The following ADAMTS9 variants were observed in gnomAD, a reference collection of about 807,000 sequenced individuals.
ADAMTS9 encodes the protein ADAM metallopeptidase with thrombospondin type 1 motif 9, also known as A disintegrin and metalloproteinase with thrombospondin motifs 9.
A neutral mutation model predicts 257.1 loss-of-function variants in ADAMTS9; 107 were observed. The ratio of observed to expected loss-of-function variants is 0.42; its 90% CI spans 0.36 to 0.49. ADAMTS9 has a LOEUF of 0.49. Ranked by LOEUF, ADAMTS9 falls within the 20% of genes least tolerant of loss-of-function variation. ADAMTS9 has a pLI of 0.03. For missense variants in ADAMTS9, 2,353 were observed against 2,469.1 expected (o/e 0.95, Z 1.00); for synonymous variants, 982 against 880.9 (o/e 1.11, Z -2.03).
chr3:64,538,728 T>G (rs1303866268), intron 37 of ADAMTS9, among the ~76,000 whole-genome samples: 1 of 152,216 alleles, frequency 6.6e-6, no homozygotes, highest in South Asian at 2.1e-4. Flanking sequence ...GTCTGCCTTC[T>G]TCCTAGCCCT....
chr3:64,604,335 G>T lies in ADAMTS9; in HGVS notation c.3475-4C>A. The T allele has an allele frequency of 6.4e-7, 1 of 1,574,054 alleles. No homozygotes were observed. The highest frequency in any genetic ancestry group is 1.2e-5 in the South Asian group (1 of 84,558). On this transcript the variant is annotated splice_polypyrimidine_tract_variant and splice_region_variant and intron_variant, in intron 23 of 39. Transcript: ENST00000498707. ...GACATGATGGTAATTCACAGTCCTA[G>T]ACGTGATGGGGGAAAAAAAAACAAA...
At chr3:64,536,884 TA>T (rs1402347360) in intron 37 of ADAMTS9, among the ~76,000 whole-genome samples, 1 of 152,210 alleles carries the variant, frequency 6.6e-6, no homozygotes, top group East Asian at 1.9e-4. Context: ...CTCTTATTAA[TA>T]AATACATCCA....
chr3:64,541,811 A>T, intron 33 of ADAMTS9, 27 bp downstream of exon 33: 1 of 1,613,508 alleles, frequency 6.2e-7, no homozygotes, highest in Non-Finnish European at 8.5e-7. Context: ...CATGCTAAAG[A>T]AAGATAACTT....
chr3:64,596,532 T>G (rs2084367449), intron 27 of ADAMTS9, among the ~76,000 whole-genome samples: 1 of 152,164 alleles, frequency 6.6e-6, no homozygotes, highest in Admixed American at 6.5e-5. Context: ...TAACACATAT[T>G]TTCAATCACT....
chr3:64,588,540 A>G (rs1369278252), intron 28 of ADAMTS9: 3 of 151,936 alleles, frequency 2.0e-5, no homozygotes, highest in African/African-American at 7.3e-5. Flanking sequence ...CTCCTAGCCA[A>G]TTATGCTTGG....
chr3:64,561,612 G>C lies in ADAMTS9; in HGVS notation c.4664C>G (p.Pro1555Arg), dbSNP rs780324244. The C allele has an allele frequency of 6.2e-7, 1 of 1,613,828 alleles. No homozygotes were observed. Among genetic ancestry groups the C allele is most frequent in the Non-Finnish European group, 8.5e-7 (1 of 1,179,956 alleles). ...SERDCQGPRCPLYTWRAEEWQ... is the reference protein window; with the variant it reads ...SERDCQGPRCRLYTWRAEEWQ... Reference sequence around the variant, plus strand: ...TTCCTCTGCCCTCCAAGTGTAGAGGGGACACCGTGGGCCTTGGCAGTCGCG... The same window carrying C: ...TTCCTCTGCCCTCCAAGTGTAGAGGCGACACCGTGGGCCTTGGCAGTCGCG... The change falls in exon 30 of 40, where the codon CCC becomes CGC. Residue 1555 changes from proline (P) to arginine (R), a missense_variant. Pro to Arg is a moderately radical substitution (Grantham distance 103). Transcript: ENST00000498707.
intron 24 of ADAMTS9, 45 bp downstream of exon 24, chr3:64,604,182 T>G (rs766048198): frequency 1.2e-5 from 19 of 1,600,446 alleles, no homozygotes; most frequent in Non-Finnish European, 1.5e-5. Context: ...CTGAGAATGT[T>G]AGCCCCCATC....
At chr3:64,629,219 G>A (rs545840740) in intron 16 of ADAMTS9, among the ~76,000 whole-genome samples, 4 of 152,228 alleles carry the variant, frequency 2.6e-5, no homozygotes, top group South Asian at 4.2e-4. Context: ...CAATGGCACC[G>A]CTTCTGTCCT....
At chr3:64,609,067 C>G (rs1026946678) in intron 22 of ADAMTS9, among the ~76,000 whole-genome samples, 3 of 151,874 alleles carry the variant, frequency 2.0e-5, no homozygotes, top group African/African-American at 7.3e-5. Context: ...CAAAATTCAA[C>G]ATCTTTTCAT....
At chr3:64,649,477 G>C (rs1700877636) in intron 10 of ADAMTS9, among the ~76,000 whole-genome samples, 160 bp downstream of exon 10, 1 of 152,154 alleles carries the variant, frequency 6.6e-6, no homozygotes, top group South Asian at 2.1e-4. Flanking sequence ...CAGCAGTACT[G>C]TTGTGTCATC....
At chr3:64,567,774 C>A (rs1223272229) in intron 29 of ADAMTS9, among the ~76,000 whole-genome samples, 1 of 151,694 alleles carries the variant, frequency 6.6e-6, no homozygotes. Context: ...AGATTGAAGA[C>A]CCCTGCAAAG....
rs541762912 is a variant in ADAMTS9, at chr3:64,528,830, A to G, written c.5718+4336T>C. On this transcript the variant is annotated intron_variant, in intron 38 of 39. Coordinates refer to ENST00000498707, the MANE Select transcript of ADAMTS9 (RefSeq NM_182920.2). Reference sequence around the variant, plus strand: ...AAGTCAATGAGAAAGGGGCCACTACAGTCCCCATTTTATAGATGAACAAAC... The same window carrying G: ...AAGTCAATGAGAAAGGGGCCACTACGGTCCCCATTTTATAGATGAACAAAC... 2.2e-4 allele frequency among the ~76,000 whole-genome samples: 33 copies of G among 152,346 alleles called. No homozygotes were observed. The South Asian group carries it at 6.8e-3, about 32-fold the overall frequency.
At chr3:64,530,569 T>A (rs1259097928) in intron 38 of ADAMTS9, among the ~76,000 whole-genome samples, 1 of 148,662 alleles carries the variant, frequency 6.7e-6, no homozygotes, top group African/African-American at 2.5e-5. Context: ...GCAATTGTCA[T>A]ACCCAGCTCC....
intron 36 of ADAMTS9, among the ~76,000 whole-genome samples, chr3:64,539,941 G>A (rs1446452470): frequency 6.6e-6 from 1 of 152,230 alleles, no homozygotes; most frequent in Non-Finnish European, 1.5e-5. Context: ...GATGAGCTCT[G>A]CACATGCAAA....
chr3:64,616,165 T>G lies in ADAMTS9; in HGVS notation c.2819A>C (p.His940Pro). ...ACTACATTCACTCCTGCTGGCAACATGCCACCTATGCAAAAATAATGGGGC... is the reference window on the plus strand; with the variant it reads ...ACTACATTCACTCCTGCTGGCAACAGGCCACCTATGCAAAAATAATGGGGC... ...PCGTDCDLRW[H>P]VASRSECSAQ... The change falls in exon 20 of 40, where the codon CAT becomes CCT. Residue 940 changes from histidine (H) to proline (P), a missense_variant. By Grantham distance (77) the His-to-Pro change is moderately conservative (BLOSUM62 -2). Around this residue, in one of 3 missense-constraint regions of ADAMTS9, gnomAD observed 1,402 missense variants for 1,441.4 expected, o/e 0.97. Transcript: ENST00000498707. The G allele has an allele frequency of 6.2e-7, 1 of 1,614,040 alleles. No homozygotes were observed. Among genetic ancestry groups the G allele is most frequent in the Middle Eastern group, 1.7e-4 (1 of 6,042 alleles).
chr3:64,536,330 C>G (rs1044243699), intron 37 of ADAMTS9, among the ~76,000 whole-genome samples: 1 of 152,170 alleles, frequency 6.6e-6, no homozygotes, highest in Non-Finnish European at 1.5e-5. Flanking sequence ...TCTGGGACAT[C>G]TTTGCCCTTA....
chr3:64,634,115 G>A (rs1021722626), intron 12 of ADAMTS9, among the ~76,000 whole-genome samples: 2 of 152,026 alleles, frequency 1.3e-5, no homozygotes, highest in Non-Finnish European at 2.9e-5. Context: ...TTTGCAAAAT[G>A]GGATGTAGCT....
At chr3:64,651,240 A>C (rs914090927) in intron 8 of ADAMTS9, 77 bp from the exon 9 acceptor site, 3 of 1,347,284 alleles carry the variant, frequency 2.2e-6, no homozygotes, top group Admixed American at 2.9e-5. Context: ...TCAGGAATGC[A>C]ACTATCTAAG....
intron 16 of ADAMTS9, among the ~76,000 whole-genome samples, chr3:64,626,592 T>A (rs1700227302): frequency 1.3e-5 from 2 of 152,190 alleles, no homozygotes; most frequent in Admixed American, 6.5e-5. Flanking sequence ...TTGGGTACAA[T>A]GCTCATTATT....
Sources: gnomAD v4.1 joint callset for allele counts (sites outside exome capture counted in the v4.1 genomes callset) on GRCh38, gnomAD v4.1.1 for gene constraint, gnomAD v4.1.1 regional missense constraint, MANE v1.5 for transcripts, NCBI Gene and HGNC (gene_info 2026-07-23, HGNC 2026-07-21) for gene names.